MEIS1: variants seen among roughly 807,000 people sequenced by gnomAD.
The protein encoded by MEIS1 is homeobox protein Meis1.
In MEIS1, 5 loss-of-function variants were observed where a neutral mutation model predicts 50.8. The ratio of observed to expected loss-of-function variants is 0.10; its 90% confidence interval spans 0.05 to 0.21. MEIS1 has a LOEUF of 0.21. Among genes scored for constraint, MEIS1 ranks in the 10% least tolerant of loss-of-function variants. The pLI, the probability that MEIS1 is intolerant of heterozygous loss-of-function variation, is 1.00. For synonymous variants in MEIS1, 176 were observed against 179.3 expected (o/e 0.98, Z 0.15); for missense variants, 318 against 517.3 (o/e 0.61, Z 3.74).
intron 8 of MEIS1, among the ~76,000 whole-genome samples, chr2:66,521,973 A>G (rs1240597106): frequency 6.6e-6 from 1 of 152,182 alleles, no homozygotes; most frequent in African/African-American, 2.4e-5. Context: ...AATGTCACCC[A>G]TCGTACAATA....
chr2:66,450,080 A>G (rs964874489), intron 6 of MEIS1, among the ~76,000 whole-genome samples: 6 of 152,210 alleles, frequency 3.9e-5, no homozygotes, highest in African/African-American at 9.6e-5. Flanking sequence ...ATAGCTATAT[A>G]TGTTTTAAGA....
intron 7 of MEIS1, among the ~76,000 whole-genome samples, chr2:66,500,429 AT>A (rs1438438264): frequency 6.6e-6 from 1 of 151,972 alleles, no homozygotes; most frequent in Non-Finnish European, 1.5e-5. Flanking sequence ...TTATTTATTT[AT>A]TTATTTTTTA....
intron 9 of MEIS1, among the ~76,000 whole-genome samples, chr2:66,565,590 A>G (rs1012986917): frequency 1.1e-4 from 17 of 152,336 alleles, no homozygotes; most frequent in South Asian, 4.1e-4. Context: ...CTTTGGTAAC[A>G]TGTGACCTCA....
chr2:66,557,617 AT>A (rs1433727657), intron 9 of MEIS1, among the ~76,000 whole-genome samples: 1 of 152,184 alleles, frequency 6.6e-6, no homozygotes, highest in Non-Finnish European at 1.5e-5. Flanking sequence ...TCAGCACTTC[AT>A]TCCCTTTCAA....
At chr2:66,442,758 C>A in intron 5 of MEIS1, 144 bp from the exon 6 acceptor site, 1 of 680,400 alleles carries the variant, frequency 1.5e-6, no homozygotes, top group Non-Finnish European at 2.4e-6. Flanking sequence ...ATTCTGGATG[C>A]GTCTGGGGGT....
intron 12 of MEIS1, chr2:66,570,568 T>G (rs1675461895): frequency 6.6e-6 from 1 of 152,258 alleles, no homozygotes; most frequent in African/African-American, 2.4e-5. Flanking sequence ...AATAGCGTTA[T>G]GCCTTTCACC....
At chr2:66,471,725 G>T (rs1672765159) in intron 7 of MEIS1, among the ~76,000 whole-genome samples, 1 of 152,146 alleles carries the variant, frequency 6.6e-6, no homozygotes, top group Admixed American at 6.6e-5. Context: ...CTTCTTTTCA[G>T]TTTCACTCAG....
intron 7 of MEIS1, among the ~76,000 whole-genome samples, chr2:66,505,278 C>T (rs557975690): frequency 6.6e-6 from 1 of 152,276 alleles, no homozygotes; most frequent in South Asian, 2.1e-4. Flanking sequence ...TGGTGCCATG[C>T]ACCTGTAGTC....
intron 8 of MEIS1, among the ~76,000 whole-genome samples, chr2:66,522,512 C>T (rs1674149858): frequency 6.6e-6 from 1 of 152,210 alleles, no homozygotes; most frequent in Non-Finnish European, 1.5e-5. Context: ...ATATACGTGT[C>T]TGGCTCATTG....
chr2:66,549,291 T>G (rs1053240561), intron 9 of MEIS1, among the ~76,000 whole-genome samples: 1 of 152,124 alleles, frequency 6.6e-6, no homozygotes, highest in Admixed American at 6.5e-5. Flanking sequence ...TCTATGACCT[T>G]ACTGCTGCCT....
At chr2:66,552,317 C>T (rs556882469) in intron 9 of MEIS1, among the ~76,000 whole-genome samples, 31 of 152,284 alleles carry the variant, frequency 2.0e-4, no homozygotes, top group African/African-American at 7.5e-4. Flanking sequence ...TACTACTCCT[C>T]ATCCAAACAC....
chr2:66,554,622 T>C (rs1363875676), intron 9 of MEIS1, among the ~76,000 whole-genome samples: 2 of 152,214 alleles, frequency 1.3e-5, no homozygotes, highest in African/African-American at 2.4e-5. Context: ...CAGTGTCCTC[T>C]GGTTTAAAAT....
At chr2:66,499,296 A>G (rs1673489093) in intron 7 of MEIS1, among the ~76,000 whole-genome samples, 1 of 152,122 alleles carries the variant, frequency 6.6e-6, no homozygotes, top group Non-Finnish European at 1.5e-5. Flanking sequence ...ACACTTGCTA[A>G]TCTACATTTC....
At chr2:66,494,085 G>A (rs1161950045) in intron 7 of MEIS1, among the ~76,000 whole-genome samples, 3 of 152,020 alleles carry the variant, frequency 2.0e-5, no homozygotes, top group African/African-American at 7.3e-5. Flanking sequence ...AATCTGACTA[G>A]TGAAGATCAT....
chr2:66,569,592 A>C (rs1675434088), intron 12 of MEIS1: 1 of 152,922 alleles, frequency 6.5e-6, no homozygotes, highest in South Asian at 2.1e-4. Context: ...TTTTAGGTAA[A>C]ATAAACACAA....
intron 7 of MEIS1, among the ~76,000 whole-genome samples, chr2:66,481,854 T>C (rs997421363): frequency 6.3e-5 from 9 of 143,782 alleles, no homozygotes; most frequent in African/African-American, 2.3e-4. Flanking sequence ...ATATTTCTTT[T>C]TTTTTTTTTT....
intron 8 of MEIS1, among the ~76,000 whole-genome samples, chr2:66,534,395 A>G (rs1233388227): frequency 4.6e-5 from 7 of 152,088 alleles, no homozygotes; most frequent in African/African-American, 1.7e-4. Flanking sequence ...TTAGCTCGTC[A>G]TGGTGGAGCA....
intron 7 of MEIS1, chr2:66,508,831 C>A: frequency 3.0e-6 from 1 of 329,984 alleles, no homozygotes. Context: ...CCCACTGGAG[C>A]CTACTGCTAT....
intron 7 of MEIS1, among the ~76,000 whole-genome samples, chr2:66,500,549 C>T (rs914571306): frequency 1.3e-5 from 2 of 152,054 alleles, no homozygotes; most frequent in African/African-American, 2.4e-5. Context: ...CTCAGCCTCC[C>T]GAGTAGCTGG....
Sources: allele counts gnomAD v4.1 joint callset (sites outside exome capture counted in the v4.1 genomes callset), GRCh38; gene constraint gnomAD v4.1.1; transcripts MANE v1.5; gene names NCBI Gene and HGNC (gene_info 2026-07-23, HGNC 2026-07-21).